PUM3: variants seen among roughly 807,000 people sequenced by gnomAD.
PUM3 encodes pumilio homolog 3.
A neutral mutation model predicts 84.0 loss-of-function variants in PUM3; 91 were observed. The ratio of observed to expected loss-of-function variants is 1.08; its 90% CI spans 0.91 to 1.29. The LOEUF (loss-of-function observed/expected upper bound fraction) is 1.29, where lower values mean the gene tolerates loss of function less well. Ranked by LOEUF, PUM3 falls within the 50% of genes most tolerant of loss-of-function variation. The pLI is 0.00. For synonymous variants in PUM3, 321 were observed against 266.7 expected (o/e 1.20, Z -1.98); for missense variants, 1,067 against 767.5 (o/e 1.39, Z -4.61).
intron 2 of PUM3, 152 bp downstream of exon 2, chr9:2,838,274 T>G (rs1169409679): frequency 1.6e-6 from 1 of 606,134 alleles, no homozygotes. Context: ...CTAAATGTCA[T>G]GAGCAACATG....
chr9:2,817,596 G>C (rs1393527148), intron 13 of PUM3, among the ~76,000 whole-genome samples: 1 of 152,092 alleles, frequency 6.6e-6, no homozygotes, highest in Admixed American at 6.5e-5. Context: ...AATAAAATTA[G>C]ATACATGTTT....
intron 3 of PUM3, among the ~76,000 whole-genome samples, chr9:2,836,429 T>A (rs891780718): frequency 6.6e-6 from 1 of 152,160 alleles, no homozygotes; most frequent in Non-Finnish European, 1.5e-5. Flanking sequence ...GACAGCGGAA[T>A]GTTATAAAAT....
chr9:2,820,060 A>G lies in PUM3; in HGVS notation c.1227T>C (p.Asp409=), dbSNP rs1821556897. The G allele has an allele frequency of 6.2e-7, 1 of 1,613,166 alleles. No individual in the cohort carries two copies. Among genetic ancestry groups the G allele is most frequent in the Non-Finnish European group, 8.5e-7 (1 of 1,179,256 alleles). The change falls in exon 13 of 18, where the codon GAT becomes GAC. Residue 409 remains aspartate (D), a synonymous_variant. Coordinates refer to ENST00000397885, the MANE Select transcript of PUM3 (RefSeq NM_014878.5). ...TCACAAGCTTAGTATCATCAATACAATCAAATGCCGCCAGTAAAACCAAAT... is the reference window on the plus strand; with the variant it reads ...TCACAAGCTTAGTATCATCAATACAGTCAAATGCCGCCAGTAAAACCAAAT... The part of the protein sequence containing the change: ...YSHLVLLAAF[D]CIDDTKLVKQ...
At chr9:2,827,725 G>A (rs1019990478) in intron 9 of PUM3, among the ~76,000 whole-genome samples, 4 of 152,314 alleles carry the variant, frequency 2.6e-5, no homozygotes, top group African/African-American at 7.2e-5. Context: ...TGATACCCAA[G>A]TAGACAGCAA....
chr9:2,812,983 C>T (rs1206110802), intron 13 of PUM3, among the ~76,000 whole-genome samples: 1 of 152,192 alleles, frequency 6.6e-6, no homozygotes. Context: ...TAAAGAAACT[C>T]TGTTAAATCG....
At chr9:2,820,169 ATATCTTC>A in intron 12 of PUM3, 71 bp from the exon 13 acceptor site, 1 of 832,370 alleles carries the variant, frequency 1.2e-6, no homozygotes, top group Non-Finnish European at 2.0e-6. Flanking sequence ...CACACATGGA[ATATCTTC>A]ATAAAGGTAG....
intron 17 of PUM3, among the ~76,000 whole-genome samples, chr9:2,806,533 C>A (rs780555311): frequency 3.3e-5 from 5 of 152,202 alleles, no homozygotes; most frequent in Non-Finnish European, 5.9e-5. Context: ...GGGTTGGTAT[C>A]TGTTTTCCCA....
Position 2,837,411 on chromosome 9 carries a change from A to G in PUM3, c.83-10T>C. On this transcript the variant is annotated splice_polypyrimidine_tract_variant and intron_variant, in intron 2 of 17. Coordinates refer to ENST00000397885, the MANE Select transcript of PUM3 (RefSeq NM_014878.5). ...TTTGAAGAACCAGAATCTAGTGACAATAATAATTATAAGTTCAATGATTCT... is the reference window on the plus strand; with the variant it reads ...TTTGAAGAACCAGAATCTAGTGACAGTAATAATTATAAGTTCAATGATTCT... 1 of 1,542,892 alleles carries G rather than the reference A, an allele frequency of 6.5e-7. No individual in the cohort carries two copies. Among genetic ancestry groups the G allele is most frequent in the Non-Finnish European group, 8.9e-7 (1 of 1,119,288 alleles).
Position 2,810,331 on chromosome 9 carries a change from T to C in PUM3, c.1723+13A>G, listed in dbSNP as rs377741663. On this transcript the variant is annotated intron_variant, in intron 16 of 17. Coordinates refer to ENST00000397885, the MANE Select transcript of PUM3 (RefSeq NM_014878.5). ...ACATGAGATACAAGAAAAGGTCAAATTTCATAGCCTACCTTCTCTCCCATT... is the reference window on the plus strand; with the variant it reads ...ACATGAGATACAAGAAAAGGTCAAACTTCATAGCCTACCTTCTCTCCCATT... The C allele has an allele frequency of 5.1e-6, 8 of 1,561,814 alleles. No individual in the cohort carries two copies. In the African/African-American group the frequency reaches 9.5e-5, roughly 19 times the overall value.
chr9:2,818,527 C>G (rs1481369598), intron 13 of PUM3, among the ~76,000 whole-genome samples: 3 of 152,166 alleles, frequency 2.0e-5, no homozygotes, highest in Non-Finnish European at 4.4e-5. Flanking sequence ...TAAACAAAAG[C>G]AAACTTTCAA....
At chr9:2,821,443 C>CAAAA (rs572752267) in intron 12 of PUM3, among the ~76,000 whole-genome samples, 12 of 50,126 alleles carry the variant, frequency 2.4e-4, no homozygotes, top group African/African-American at 7.3e-4. Context: ...GACTCTGTCT[C>CAAAA]AAAAAAAAAA....
chr9:2,837,596 T>C (rs1816162322), intron 2 of PUM3, among the ~76,000 whole-genome samples, 195 bp from the exon 3 acceptor site: 1 of 152,214 alleles, frequency 6.6e-6, no homozygotes. Flanking sequence ...TTTCCTTGAT[T>C]ATAAAACCAC....
At chr9:2,832,691 A>C (rs1816016814) in intron 5 of PUM3, among the ~76,000 whole-genome samples, 1 of 152,180 alleles carries the variant, frequency 6.6e-6, no homozygotes, top group Non-Finnish European at 1.5e-5. Flanking sequence ...AATTTATAAG[A>C]AAGCGGCAGC....
At chr9:2,820,695 T>C (rs1024368986) in intron 12 of PUM3, among the ~76,000 whole-genome samples, 2 of 152,036 alleles carry the variant, frequency 1.3e-5, no homozygotes, top group Admixed American at 6.5e-5. Context: ...AATATAAATA[T>C]GAAAAAATAA....
At chr9:2,814,230 G>C (rs556553320) in intron 13 of PUM3, among the ~76,000 whole-genome samples, 1 of 133,296 alleles carries the variant, frequency 7.5e-6, no homozygotes, top group East Asian at 2.1e-4. Flanking sequence ...TTTTTTTTTT[G>C]AGACGGAATC....
Position 2,837,217 on chromosome 9 carries a change from G to T in PUM3, c.267C>A (p.Asn89Lys). The change falls in exon 3 of 18, where the codon AAC becomes AAA. Residue 89 changes from asparagine to lysine, a missense_variant. Coordinates refer to ENST00000397885, the MANE Select transcript of PUM3 (RefSeq NM_014878.5). The part of the protein sequence containing the change: ...KNKFQPANKF[N>K]KKRKFQPDGR... The stretch of plus-strand genomic sequence containing the variant: ...CATCTGGCTGGAATTTTCTCTTCTT[G>T]TTGAATTTATTTGCCGGCTGGAATT... 4 of 1,614,084 alleles carry T rather than the reference G, an allele frequency of 2.5e-6. No homozygotes were observed. In the South Asian group the frequency reaches 4.4e-5, roughly 18 times the overall value.
At chr9:2,805,842 T>C (rs1017664190) in intron 17 of PUM3, among the ~76,000 whole-genome samples, 2 of 152,022 alleles carry the variant, frequency 1.3e-5, no homozygotes. Flanking sequence ...TGAATAATTT[T>C]CCCAAGGCTA....
chr9:2,810,215 C>G (rs1235696824), intron 16 of PUM3, 129 bp downstream of exon 16: 1 of 644,316 alleles, frequency 1.6e-6, no homozygotes, highest in African/African-American at 1.9e-5. Context: ...ATTTCTTATT[C>G]ACAGACACCA....
chr9:2,821,138 C>G (rs1242572326), intron 12 of PUM3, among the ~76,000 whole-genome samples: 1 of 152,040 alleles, frequency 6.6e-6, no homozygotes, highest in African/African-American at 2.4e-5. Flanking sequence ...TATACAAAGA[C>G]CAACAACCAA....
Sources: gnomAD v4.1 joint callset for allele counts (sites outside exome capture counted in the v4.1 genomes callset) on GRCh38, gnomAD v4.1.1 for gene constraint, MANE v1.5 for transcripts, NCBI Gene and HGNC (gene_info 2026-07-23, HGNC 2026-07-21) for gene names.